Variants in MRE11 observed in about 807,000 individuals in gnomAD.
MRE11 encodes MRE11 double strand break repair nuclease, also known as double-strand break repair protein MRE11.
In MRE11, 62 loss-of-function variants were observed where a neutral mutation model predicts 91.7. That is an observed-to-expected ratio of 0.68 (90% CI 0.55 to 0.84). MRE11 has a LOEUF of 0.84. MRE11 is among the 40% of genes least tolerant of loss of function. The pLI, the probability that MRE11 is intolerant of heterozygous loss-of-function variation, is 0.00. For synonymous variants in MRE11, 273 were observed against 271.4 expected, an observed-to-expected ratio of 1.01 and a Z score of -0.06; for missense variants, 796 against 852.9, an observed-to-expected ratio of 0.93 and a Z score of 0.83.
In MRE11 at chr11:94,476,077, G is replaced by A. The variant is rs141981695; in HGVS notation, c.659+212C>T. ...TGAATTGAGGAGTATTCATGTGTAT[G>A]CCTTATCCTTATGTTACAAATATTC... On this transcript the variant is annotated intron_variant, in intron 7 of 19. Transcript: ENST00000323929. Among the ~76,000 whole-genome samples, 7 of 152,246 alleles carry A rather than the reference G, an allele frequency of 4.6e-5. No individual in the cohort carries two copies. The East Asian group carries it at 1.3e-3, about 29-fold the overall frequency.
intron 9 of MRE11, 94 bp from the exon 10 acceptor site, chr11:94,467,987 A>T: frequency 1.1e-6 from 1 of 917,430 alleles, no homozygotes; most frequent in Non-Finnish European, 1.8e-6. Context: ...TTCCTGAACT[A>T]CATAATCATC....
intron 3 of MRE11, among the ~76,000 whole-genome samples, chr11:94,487,965 T>G (rs943089510): frequency 3.9e-5 from 6 of 152,318 alleles, no homozygotes; most frequent in Non-Finnish European, 8.8e-5. Context: ...CAGGAAGACT[T>G]TAGATTCAAT....
At chr11:94,439,408 T>C (rs769090294) in intron 16 of MRE11, among the ~76,000 whole-genome samples, 3 of 152,120 alleles carry the variant, frequency 2.0e-5, no homozygotes, top group Non-Finnish European at 4.4e-5. Flanking sequence ...AACCATTATA[T>C]CAAATCAATT....
intron 12 of MRE11, among the ~76,000 whole-genome samples, chr11:94,459,972 G>C (rs1591673429): frequency 6.6e-6 from 1 of 152,304 alleles, no homozygotes; most frequent in Middle Eastern, 3.4e-3. Context: ...GAGAGTATCA[G>C]AGACTATCCA....
In MRE11 at chr11:94,417,828, C is replaced by T. The variant is rs1359074411; in HGVS notation, c.*2297G>A. On this transcript the variant is annotated 3_prime_UTR_variant, in exon 20 of 20. Transcript: ENST00000323929. ...GAATTAAAGGTCACATTCCTAAATGCTTGAATTTTCTAAGCACCACTTATA... is the reference window on the plus strand; with the variant it reads ...GAATTAAAGGTCACATTCCTAAATGTTTGAATTTTCTAAGCACCACTTATA... The T allele has an allele frequency of 4.3e-6, 1 of 232,890 alleles. No homozygotes were observed. Among genetic ancestry groups the T allele is most frequent in the African/African-American group, 2.2e-5 (1 of 45,314 alleles). 14.4% of individuals were successfully genotyped at this position (232,890 alleles called of 1,614,324 possible).
chr11:94,502,329 T>A, the MRE11 span, among the ~76,000 whole-genome samples: 1 of 152,370 alleles, frequency 6.6e-6, no homozygotes, highest in Admixed American at 6.5e-5. Flanking sequence ...ATTTGGTGCA[T>A]GTTTAGTGTA....
At chr11:94,484,836 G>C (rs1057502221) in intron 4 of MRE11, among the ~76,000 whole-genome samples, 1 of 152,158 alleles carries the variant, frequency 6.6e-6, no homozygotes, top group East Asian at 1.9e-4. Flanking sequence ...TGAAAGACAA[G>C]GAAAGACAGA....
intron 10 of MRE11, 84 bp downstream of exon 10, chr11:94,467,729 A>G: frequency 8.3e-7 from 1 of 1,200,044 alleles, no homozygotes; most frequent in Non-Finnish European, 1.2e-6. Context: ...CACTCTCCTC[A>G]CTACTTTTCA....
At chr11:94,481,210 G>A (rs1947004686) in intron 4 of MRE11, among the ~76,000 whole-genome samples, 1 of 152,120 alleles carries the variant, frequency 6.6e-6, no homozygotes, top group African/African-American at 2.4e-5. Context: ...TTGGGAGACT[G>A]AGGCAGGACA....
intron 19 of MRE11, among the ~76,000 whole-genome samples, chr11:94,423,862 G>A (rs1256645222): frequency 6.6e-6 from 1 of 152,206 alleles, no homozygotes; most frequent in African/African-American, 2.4e-5. Context: ...ACTCAAGTAG[G>A]GGAGAAATCC....
intron 17 of MRE11, among the ~76,000 whole-genome samples, chr11:94,436,364 G>C (rs1203493717): frequency 2.0e-5 from 3 of 152,018 alleles, no homozygotes. Flanking sequence ...TCTGACTGTT[G>C]ATTCTACCAC....
intron 14 of MRE11, among the ~76,000 whole-genome samples, 182 bp from the exon 15 acceptor site, chr11:94,447,620 A>G (rs1344246131): frequency 6.7e-6 from 1 of 149,562 alleles, no homozygotes; most frequent in Non-Finnish European, 1.5e-5. Flanking sequence ...CTTGCACCCA[A>G]GAGTTTGAGA....
chr11:94,434,805 T>A (rs1323191345), intron 18 of MRE11, among the ~76,000 whole-genome samples: 1 of 152,214 alleles, frequency 6.6e-6, no homozygotes, highest in Non-Finnish European at 1.5e-5. Context: ...AATTCAAATA[T>A]GTTCATTTCT....
the MRE11 span, among the ~76,000 whole-genome samples, chr11:94,508,064 G>A: frequency 8.2e-4 from 125 of 152,080 alleles, no homozygotes; most frequent in African/African-American, 2.8e-3. Flanking sequence ...CAAATTCTGC[G>A]GCTCAAGCAA....
intron 14 of MRE11, among the ~76,000 whole-genome samples, chr11:94,455,471 T>A (rs1334058001): frequency 2.6e-5 from 4 of 151,974 alleles, no homozygotes; most frequent in African/African-American, 9.7e-5. Flanking sequence ...AGTACATAGT[T>A]TATAACTTTT....
rs1945916408 is a variant in MRE11 at position 94,445,906 on chromosome 11, T to A, written c.1784-13A>T. 9.4e-6 allele frequency: 15 copies of A among 1,598,832 alleles called. No homozygotes were observed. The highest frequency in any genetic ancestry group is 1.3e-5 in the Non-Finnish European group (15 of 1,166,162). On this transcript the variant is annotated splice_polypyrimidine_tract_variant and intron_variant, in intron 15 of 19. Coordinates refer to ENST00000323929, the MANE Select transcript of MRE11 (RefSeq NM_005591.4). ...AGACCAGTGTCTGCTGTTAGAAAAA[T>A]GAACAGTCAATGTACAAGCCTATCA...
chr11:94,453,584 T>C (rs188522390), intron 14 of MRE11, among the ~76,000 whole-genome samples: 1 of 152,340 alleles, frequency 6.6e-6, no homozygotes, highest in East Asian at 1.9e-4. Flanking sequence ...CTTGAGTGTC[T>C]TTTCATGTGC....
chr11:94,433,229 A>G (rs1477173743), intron 18 of MRE11, among the ~76,000 whole-genome samples: 2 of 152,164 alleles, frequency 1.3e-5, no homozygotes, highest in Non-Finnish European at 2.9e-5. Context: ...CCTTTCAGAT[A>G]AGCTTGTTTA....
chr11:94,465,385 C>A (rs1195960706), intron 10 of MRE11, among the ~76,000 whole-genome samples: 6 of 146,430 alleles, frequency 4.1e-5, no homozygotes, highest in Admixed American at 4.0e-4. Flanking sequence ...CAGACCATCT[C>A]TCTCTCTCTC....
Sources: allele counts gnomAD v4.1 joint callset (sites outside exome capture counted in the v4.1 genomes callset), GRCh38; gene constraint gnomAD v4.1.1; transcripts MANE v1.5; gene names NCBI Gene and HGNC (gene_info 2026-07-23, HGNC 2026-07-21).